Variants in SLC22A23 observed in about 807,000 individuals in gnomAD.
SLC22A23 encodes ion transporter protein.
SLC22A23 carries 26 observed loss-of-function variants against 61.0 expected under a neutral mutation model. The ratio of observed to expected loss-of-function variants is 0.43; its 90% CI spans 0.31 to 0.59. The LOEUF (loss-of-function observed/expected upper bound fraction) is 0.59. Among genes scored for constraint, SLC22A23 ranks in the 20% least tolerant of loss-of-function variants. The probability of loss-of-function intolerance (pLI) is 0.11; values close to 1 mark genes in which losing one functional copy is unlikely to be tolerated. For synonymous variants in SLC22A23, 430 were observed against 413.9 expected, an observed-to-expected ratio of 1.04 and a Z score of -0.47; for missense variants, 796 against 934.7, an observed-to-expected ratio of 0.85 and a Z score of 1.94.
intron 1 of SLC22A23, among the ~76,000 whole-genome samples, chr6:3,434,682 G>C (rs1167054145): frequency 1.3e-5 from 2 of 152,134 alleles, no homozygotes; most frequent in Non-Finnish European, 2.9e-5. Flanking sequence ...GGATTGCGAG[G>C]AGCATCAATT....
At chr6:3,316,829 G>A (rs760693443) in intron 4 of SLC22A23, among the ~76,000 whole-genome samples, 6 of 152,036 alleles carry the variant, frequency 3.9e-5, no homozygotes, top group Non-Finnish European at 8.8e-5. Context: ...GTAGAGATGG[G>A]GTCTCCCTTT....
At chr6:3,412,946 G>A (rs1769372527) in intron 2 of SLC22A23, among the ~76,000 whole-genome samples, 1 of 152,190 alleles carries the variant, frequency 6.6e-6, no homozygotes, top group Admixed American at 6.5e-5. Context: ...CAGCCCTGCT[G>A]ACACCCCGAC....
chr6:3,426,756 C>T (rs1158120364), intron 1 of SLC22A23, among the ~76,000 whole-genome samples: 3 of 152,132 alleles, frequency 2.0e-5, no homozygotes, highest in African/African-American at 7.2e-5. Context: ...AAACAGCTAA[C>T]ACCAACCAGC....
intron 3 of SLC22A23, among the ~76,000 whole-genome samples, chr6:3,395,760 C>T (rs1767965446): frequency 6.6e-6 from 1 of 152,126 alleles, no homozygotes; most frequent in Admixed American, 6.5e-5. Flanking sequence ...AGTCAAAATG[C>T]CAAAATAGAT....
rs1219291411 is a variant in SLC22A23 at position 3,271,065 on chromosome 6, T to A, written c.*1990A>T. On this transcript the variant is annotated 3_prime_UTR_variant, in exon 10 of 10. Coordinates refer to ENST00000406686, the MANE Select transcript of SLC22A23 (RefSeq NM_015482.2). ...TACTGGATAGGTCCTATTCTGTACA[T>A]AATGGGGGTTTGTTGACAGGTGGCT... 6.6e-6 allele frequency: 1 copy of A among 152,254 alleles called. No homozygotes were observed. Among genetic ancestry groups the A allele is most frequent in the Non-Finnish European group, 1.5e-5 (1 of 68,060 alleles). 9.4% of individuals were successfully genotyped at this position (152,254 alleles called of 1,614,324 possible).
chr6:3,355,893 G>A (rs989436144), intron 3 of SLC22A23, among the ~76,000 whole-genome samples: 1 of 148,806 alleles, frequency 6.7e-6, no homozygotes, highest in African/African-American at 2.5e-5. Flanking sequence ...ATTAAAAAAA[G>A]AAGGAAGTTC....
chr6:3,336,129 A>G (rs1250115594), intron 3 of SLC22A23, among the ~76,000 whole-genome samples: 1 of 151,788 alleles, frequency 6.6e-6, no homozygotes, highest in Non-Finnish European at 1.5e-5. Context: ...TTCTCCTAGG[A>G]GTGCCTGCTG....
At chr6:3,283,560 TC>T in intron 9 of SLC22A23, 9 of 392,058 alleles carry the variant, frequency 2.3e-5, no homozygotes, top group Middle Eastern at 8.0e-4. Flanking sequence ...TCCGCTGCAC[TC>T]CCCCCCTTGC....
Position 3,390,564 on chromosome 6 carries a change from A to T in SLC22A23, c.913+19624T>A, listed in dbSNP as rs1767599262. Among the ~76,000 whole-genome samples, 1 of 152,202 alleles carries T rather than the reference A, an allele frequency of 6.6e-6. No individual in the cohort carries two copies. Among genetic ancestry groups the T allele is most frequent in the Non-Finnish European group, 1.5e-5 (1 of 68,038 alleles). Reference sequence around the variant, plus strand: ...TCCCCGGGGCCTAGAGTTCTGAGGTACACTTCGGGTTCACTTGCAGGTTTA... The same window carrying T: ...TCCCCGGGGCCTAGAGTTCTGAGGTTCACTTCGGGTTCACTTGCAGGTTTA... On this transcript the variant is annotated intron_variant, in intron 3 of 9. Transcript: ENST00000406686. The surrounding 1 kb of genome is among the most constrained non-coding windows in gnomAD (Gnocchi z 4.0).
rs1418367503 is a variant in SLC22A23 at position 3,427,955 on chromosome 6, C to T, written c.655-12100G>A. On this transcript the variant is annotated intron_variant, in intron 1 of 9. Transcript: ENST00000406686. This position sits in a 1 kb window ranked among gnomAD's most constrained non-coding sequence, Gnocchi z 4.3. Reference sequence around the variant, plus strand: ...CCCGAGGTGGGGTGAGCCAGGAAGGCTCCCGACCTTCCACTTCAGTGCCTC... The same window carrying T: ...CCCGAGGTGGGGTGAGCCAGGAAGGTTCCCGACCTTCCACTTCAGTGCCTC... Among the ~76,000 whole-genome samples, 2 of 152,222 alleles carry T rather than the reference C, an allele frequency of 1.3e-5. No individual in the cohort carries two copies. The highest frequency in any genetic ancestry group is 2.9e-5 in the Non-Finnish European group (2 of 68,048).
intron 1 of SLC22A23, among the ~76,000 whole-genome samples, chr6:3,426,257 T>C (rs1269961560): frequency 6.6e-6 from 1 of 152,204 alleles, no homozygotes; most frequent in Non-Finnish European, 1.5e-5. Flanking sequence ...TAAAAAAGCT[T>C]ATAGCCAAGT....
chr6:3,368,297 T>G (rs1284440638), intron 3 of SLC22A23, among the ~76,000 whole-genome samples: 4 of 152,210 alleles, frequency 2.6e-5, no homozygotes, highest in Non-Finnish European at 4.4e-5. Context: ...TTGCACCCCA[T>G]GCTCAACCCG....
intron 1 of SLC22A23, chr6:3,444,912 C>T: frequency 4.1e-6 from 4 of 985,544 alleles, no homozygotes; most frequent in Non-Finnish European, 4.8e-6. Context: ...GCCTTCAGCT[C>T]CTCCCCCCTC....
At chr6:3,369,820 G>A (rs376939010) in intron 3 of SLC22A23, among the ~76,000 whole-genome samples, 59 of 152,332 alleles carry the variant, frequency 3.9e-4, no homozygotes, top group Middle Eastern at 3.4e-3. Flanking sequence ...GTGTGCACAC[G>A]CACATGTAAA....
chr6:3,285,191 G>GAGTT lies in SLC22A23; in HGVS notation c.1547-84_1547-81dup. The GAGTT allele has an allele frequency of 1.9e-6, 3 of 1,580,686 alleles. No homozygotes were observed. In the South Asian group the frequency reaches 3.4e-5, roughly 18 times the overall value. Reference sequence around the variant, plus strand: ...GAGAGAAGAGAGCACATTAGGTGTGGAGTTAGCCTAGCGTGTTCCCATGCG... The same window carrying GAGTT: ...GAGAGAAGAGAGCACATTAGGTGTGGAGTTAGTTAGCCTAGCGTGTTCCCATGCG... On this transcript the variant is annotated intron_variant, in intron 7 of 9. Transcript: ENST00000406686.
chr6:3,299,197 T>C (rs1219931210), intron 4 of SLC22A23, among the ~76,000 whole-genome samples: 3 of 152,222 alleles, frequency 2.0e-5, no homozygotes, highest in African/African-American at 7.2e-5. Flanking sequence ...CTACCAGCTG[T>C]GTCAAGAAAT....
In SLC22A23 at chr6:3,297,657, C is replaced by T. The variant is rs1411659540; in HGVS notation, c.1210+434G>A. On this transcript the variant is annotated intron_variant, in intron 5 of 9. Transcript: ENST00000406686. This position sits in a 1 kb window ranked among gnomAD's most constrained non-coding sequence, Gnocchi z 4.3. ...CTTCACCTTTCCTGTCTTCAGCTGCCCAACAAATAGGTCATGGCCAGGTAA... is the reference window on the plus strand; with the variant it reads ...CTTCACCTTTCCTGTCTTCAGCTGCTCAACAAATAGGTCATGGCCAGGTAA... 2.6e-5 allele frequency among the ~76,000 whole-genome samples: 4 copies of T among 152,178 alleles called. No individual in the cohort carries two copies. Among genetic ancestry groups the T allele is most frequent in the Non-Finnish European group, 4.4e-5 (3 of 68,046 alleles).
rs983767192 is a variant in SLC22A23 at position 3,457,030 on chromosome 6, C to T, written c.-471G>A. The T allele has an allele frequency of 1.5e-4, 23 of 152,396 alleles. No individual in the cohort carries two copies. In the East Asian group the frequency reaches 3.5e-3, roughly 23 times the overall value. 9.4% of individuals were successfully genotyped at this position (152,396 alleles called of 1,614,324 possible). On this transcript the variant is annotated 5_prime_UTR_variant, in exon 1 of 10. Transcript: ENST00000406686. Reference sequence around the variant, plus strand: ...CCGACTTCGGGCGCCTCCCGGAAGCCGCGAGCTCTGGACCCAGCCTGCCGA... The same window carrying T: ...CCGACTTCGGGCGCCTCCCGGAAGCTGCGAGCTCTGGACCCAGCCTGCCGA...
In SLC22A23 at chr6:3,456,693, C is replaced by A; in HGVS notation, c.-134G>T. On this transcript the variant is annotated 5_prime_UTR_variant, in exon 1 of 10. Transcript: ENST00000406686. This position sits in a 1 kb window ranked among gnomAD's most constrained non-coding sequence, Gnocchi z 7.1. ...AGGGCCCGCGGCTCGAGAGAGAGCG[C>A]TCGGCGGCTCCGGGTGCGTCAGGCC... The A allele has an allele frequency of 1.8e-6, 1 of 541,338 alleles. No homozygotes were observed. Among genetic ancestry groups the A allele is most frequent in the Non-Finnish European group, 2.3e-6 (1 of 426,810 alleles). The allele number at this position is 541,338 out of a possible 1,614,324, so 33.5% of individuals were successfully genotyped here. A position where few individuals can be genotyped will look rare whatever the true frequency, so the allele number is the denominator to read the frequency against.
Sources: gnomAD v4.1 joint callset for allele counts (sites outside exome capture counted in the v4.1 genomes callset) on GRCh38, gnomAD v4.1.1 for gene constraint, Gnocchi (gnomAD v3.1) non-coding constraint, MANE v1.5 for transcripts, NCBI Gene and HGNC (gene_info 2026-07-23, HGNC 2026-07-21) for gene names.